The following TRAF2 variants were observed in gnomAD, a reference collection of about 807,000 sequenced individuals.
The protein encoded by TRAF2 is TNF receptor associated factor 2, also known as TNF receptor-associated factor 2.
Under a neutral mutation model 55.6 loss-of-function variants are expected in TRAF2, and 6 were observed. The observed-to-expected ratio is 0.11, with a 90% CI of 0.06 to 0.21. The LOEUF is 0.21. Among genes scored for constraint, TRAF2 ranks in the 10% least tolerant of loss-of-function variants. The pLI, the probability that TRAF2 is intolerant of heterozygous loss-of-function variation, is 1.00. For missense variants in TRAF2, 561 were observed against 684.5 expected (o/e 0.82, Z 2.01); for synonymous variants, 329 against 276.3 (o/e 1.19, Z -1.89).
chr9:136,912,691 G>T (rs1158851796), intron 6 of TRAF2, among the ~76,000 whole-genome samples: 6 of 152,112 alleles, frequency 3.9e-5, no homozygotes, highest in African/African-American at 1.4e-4. Flanking sequence ...ACAAAAATTA[G>T]CTGGGCATGG....
At chr9:136,892,279 C>T (rs1019938703) in intron 1 of TRAF2, among the ~76,000 whole-genome samples, 17 of 151,420 alleles carry the variant, frequency 1.1e-4, no homozygotes, top group Admixed American at 5.9e-4. Context: ...CTGGCTAACA[C>T]GGTGAAACCC....
rs1231018316 is a variant in TRAF2, at chr9:136,916,593, A to G, written c.656A>G (p.His219Arg). The G allele has an allele frequency of 6.2e-7, 1 of 1,613,946 alleles. No homozygotes were observed. The highest frequency in any genetic ancestry group is 8.5e-7 in the Non-Finnish European group (1 of 1,179,958). Residue 219 changes from histidine (H) to arginine (R), a missense_variant, in exon 7 of 11, where the codon CAC becomes CGC. Transcript: ENST00000247668. The stretch of plus-strand genomic sequence containing the variant: ...AAGTGTCGAGTCCCTTGCAGATTCC[A>G]CGCCATCGGCTGCCTCGAGACGGTG... ...CGKCRVPCRF[H>R]AIGCLETVEG...
intron 1 of TRAF2, 105 bp from the exon 2 acceptor site, chr9:136,898,608 G>GGA: frequency 6.6e-7 from 1 of 1,503,900 alleles, no homozygotes; most frequent in Admixed American, 2.0e-5. Flanking sequence ...AGGTCAGTGG[G>GGA]GACCCGGCCC....
chr9:136,914,239 G>T (rs552978581), intron 6 of TRAF2, among the ~76,000 whole-genome samples: 1 of 152,188 alleles, frequency 6.6e-6, no homozygotes, highest in Non-Finnish European at 1.5e-5. Flanking sequence ...CGGCCCTGCC[G>T]TGGGCAGCCT....
chr9:136,907,449 G>A (rs779368882), intron 4 of TRAF2, among the ~76,000 whole-genome samples: 16 of 152,202 alleles, frequency 1.1e-4, no homozygotes, highest in Non-Finnish European at 2.1e-4. Flanking sequence ...TGTCTTCCTC[G>A]CAGCTTCGGC....
intron 9 of TRAF2, among the ~76,000 whole-genome samples, chr9:136,921,790 G>A (rs1850392737): frequency 6.6e-6 from 1 of 152,096 alleles, no homozygotes; most frequent in African/African-American, 2.4e-5. Flanking sequence ...GTGGGGTGGT[G>A]GCTGCCCAGC....
At chr9:136,882,132 G>A (rs529405296), upstream of TRAF2, 41 of 796,172 alleles carry the variant, frequency 5.1e-5, no homozygotes, top group African/African-American at 6.4e-4. Flanking sequence ...CTGGCTCCAT[G>A]TGCAAGCTGG....
rs367749426 is a variant in TRAF2, at chr9:136,908,235, C to T, written c.528+4C>T. The T allele has an allele frequency of 2.4e-5, 37 of 1,570,648 alleles. No individual in the cohort carries two copies. Among genetic ancestry groups the T allele is most frequent in the Middle Eastern group, 1.7e-4 (1 of 5,870 alleles). On this transcript the variant is annotated splice_donor_region_variant and intron_variant, in intron 5 of 10. Transcript: ENST00000247668. ...CTGCTGCGGAGCAGACGTGAAGGTG[C>T]GTGGGGTGGAGCAGCAGCCTGTGTG... is the stretch of plus-strand genomic sequence containing the variant.
At chr9:136,918,251 A>G (rs867970495) in intron 7 of TRAF2, among the ~76,000 whole-genome samples, 1 of 43,720 alleles carries the variant, frequency 2.3e-5, no homozygotes, top group African/African-American at 1.5e-4. Context: ...ATATATATAT[A>G]TATATATTTA....
chr9:136,912,194 A>ACT (rs1236721316), intron 6 of TRAF2, among the ~76,000 whole-genome samples: 16 of 91,588 alleles, frequency 1.7e-4, no homozygotes, highest in Admixed American at 3.4e-4. Flanking sequence ...ACAGAGTCTC[A>ACT]CTCTGTCGTC....
chr9:136,916,047 G>A (rs190009935), intron 6 of TRAF2, among the ~76,000 whole-genome samples: 8 of 152,300 alleles, frequency 5.3e-5, no homozygotes, highest in African/African-American at 1.7e-4. Context: ...ATACCACAGT[G>A]TTAGTCTCTG....
At chr9:136,882,615 C>A (rs1168433958), upstream of TRAF2, 1 of 973,080 alleles carries the variant, frequency 1.0e-6, no homozygotes, top group African/African-American at 1.8e-5. Flanking sequence ...CATACCCTCC[C>A]CCTGCCCCTG....
At chr9:136,889,754 A>T (rs1849536054) in intron 1 of TRAF2, 1 of 152,284 alleles carries the variant, frequency 6.6e-6, no homozygotes, top group Non-Finnish European at 1.5e-5. Flanking sequence ...CCACTGTGTC[A>T]GTTGGTCACC....
At chr9:136,916,681 C>G in intron 7 of TRAF2, 66 bp downstream of exon 7, 1 of 1,476,362 alleles carries the variant, frequency 6.8e-7, no homozygotes, top group South Asian at 1.1e-5. Context: ...CTGCCTCCAG[C>G]CCAGTGCTTC....
chr9:136,906,842 T>C lies in TRAF2; in HGVS notation c.367-1228T>C, dbSNP rs943439622. Among the ~76,000 whole-genome samples the C allele has an allele frequency of 3.9e-5, 6 of 152,118 alleles. No homozygotes were observed. The East Asian group carries it at 5.8e-4, about 15-fold the overall frequency. ...CCCAGACACATCCTGAATCCGGCCC[T>C]CTCTCCCGTTACACTAGCACCTTTG... On this transcript the variant is annotated intron_variant, in intron 4 of 10. Coordinates refer to ENST00000247668, the MANE Select transcript of TRAF2 (RefSeq NM_021138.4).
intron 1 of TRAF2, among the ~76,000 whole-genome samples, chr9:136,889,141 G>T (rs978077352): frequency 2.6e-5 from 4 of 151,610 alleles, no homozygotes; most frequent in Admixed American, 6.6e-5. Flanking sequence ...GATTACAGGT[G>T]TGAGCCACCA....
At chr9:136,922,060 G>T (rs1271993912) in intron 9 of TRAF2, among the ~76,000 whole-genome samples, 2 of 152,242 alleles carry the variant, frequency 1.3e-5, no homozygotes, top group African/African-American at 4.8e-5. Flanking sequence ...CACCTTTCCT[G>T]TTTGAATTTA....
upstream of TRAF2, among the ~76,000 whole-genome samples, chr9:136,884,075 G>A (rs1181600125): frequency 7.9e-5 from 12 of 150,944 alleles, no homozygotes; most frequent in Admixed American, 6.6e-5. Context: ...TGCCCACCTC[G>A]GCCTCCCAAA....
chr9:136,919,574 C>T (rs1412857237), intron 7 of TRAF2, among the ~76,000 whole-genome samples: 4 of 152,188 alleles, frequency 2.6e-5, no homozygotes, highest in East Asian at 1.9e-4. Flanking sequence ...GGATTACAGG[C>T]GGGAGCCACC....
Sources: gnomAD v4.1 joint callset for allele counts (sites outside exome capture counted in the v4.1 genomes callset) on GRCh38, gnomAD v4.1.1 for gene constraint, MANE v1.5 for transcripts, NCBI Gene and HGNC (gene_info 2026-07-23, HGNC 2026-07-21) for gene names.